SYNPR: variants seen among roughly 807,000 people sequenced by gnomAD.
SYNPR encodes synaptoporin.
SYNPR carries 23 observed loss-of-function variants against 32.9 expected under a neutral mutation model. That is an observed-to-expected ratio of 0.70 (90% CI 0.50 to 0.99). SYNPR has a LOEUF of 0.99. SYNPR is among the 50% of genes least tolerant of loss of function. The pLI, the probability that SYNPR is intolerant of heterozygous loss-of-function variation, is 0.00. For missense variants in SYNPR, 318 were observed against 349.3 expected, an observed-to-expected ratio of 0.91 and a Z score of 0.71; for synonymous variants, 146 against 135.9, an observed-to-expected ratio of 1.07 and a Z score of -0.52.
At chr3:63,257,780 G>A (rs548439213) in intron 2 of SYNPR, among the ~76,000 whole-genome samples, 47 of 152,258 alleles carry the variant, frequency 3.1e-4, no homozygotes, top group South Asian at 4.2e-4. Flanking sequence ...TGGTAAATTG[G>A]ATAAAGAGTC....
chr3:63,471,485 G>GA (rs562199150), intron 2 of SYNPR, among the ~76,000 whole-genome samples: 36 of 152,136 alleles, frequency 2.4e-4, no homozygotes, highest in African/African-American at 7.0e-4. Flanking sequence ...AATTTCCTTA[G>GA]AAAAATACGA....
chr3:63,335,457 T>C (rs905129391), intron 2 of SYNPR, among the ~76,000 whole-genome samples: 2 of 152,054 alleles, frequency 1.3e-5, no homozygotes, highest in African/African-American at 2.4e-5. Context: ...TCAGGGCCAA[T>C]TGAAGCCACT....
intron 2 of SYNPR, among the ~76,000 whole-genome samples, chr3:63,295,299 C>G (rs1329786850): frequency 3.9e-5 from 6 of 152,160 alleles, no homozygotes; most frequent in African/African-American, 1.4e-4. Flanking sequence ...TTAGTTCTAA[C>G]AACTCTATTA....
chr3:63,420,135 C>A (rs2088589177), intron 2 of SYNPR, among the ~76,000 whole-genome samples: 1 of 152,016 alleles, frequency 6.6e-6, no homozygotes, highest in African/African-American at 2.4e-5. Flanking sequence ...TGTAAAGATG[C>A]AAATTTTCCC....
intron 1 of SYNPR, among the ~76,000 whole-genome samples, chr3:63,235,662 T>TC (rs2086196002): frequency 6.6e-6 from 1 of 152,078 alleles, no homozygotes; most frequent in African/African-American, 2.4e-5. Flanking sequence ...CCTCTCTCCT[T>TC]CCCCCATGGA....
At chr3:63,270,490 T>G (rs1386233785) in intron 3 of SYNPR, among the ~76,000 whole-genome samples, 2 of 152,208 alleles carry the variant, frequency 1.3e-5, no homozygotes, top group Non-Finnish European at 2.9e-5. Flanking sequence ...TAATATTTAA[T>G]TAGGCAGTTG....
intron 2 of SYNPR, among the ~76,000 whole-genome samples, chr3:63,258,293 T>C (rs2086405801): frequency 6.6e-6 from 1 of 152,184 alleles, no homozygotes; most frequent in Non-Finnish European, 1.5e-5. Flanking sequence ...ACACCACACC[T>C]ATTCCAAAAC....
In SYNPR at chr3:63,556,579, GGGAAA is replaced by G; in HGVS notation, c.251_255del (p.Lys84ThrfsTer9). 1 of 1,613,528 alleles carries G rather than the reference GGGAAA, an allele frequency of 6.2e-7. No homozygotes were observed. On this transcript the variant is annotated frameshift_variant, in exon 4 of 6. Coordinates refer to ENST00000478300, the MANE Select transcript of SYNPR (RefSeq NM_001130003.2). LOFTEE classifies it high-confidence loss of function. Reference sequence around the variant, plus strand: ...TGACGTTTGAGGTGCCCACCTGCGAGGGAAAGGAACGGCAGAAGCTGGCATTGATT... The same window carrying G: ...TGACGTTTGAGGTGCCCACCTGCGAGGGAACGGCAGAAGCTGGCATTGATT...
At chr3:63,240,432 G>A (rs1031391026) in intron 1 of SYNPR, among the ~76,000 whole-genome samples, 1 of 152,106 alleles carries the variant, frequency 6.6e-6, no homozygotes, top group Non-Finnish European at 1.5e-5. Flanking sequence ...TGAGAAGGGA[G>A]AGGCTTTTTC....
intron 3 of SYNPR, among the ~76,000 whole-genome samples, chr3:63,550,734 A>T (rs1473665438): frequency 6.6e-6 from 1 of 152,246 alleles, no homozygotes; most frequent in African/African-American, 2.4e-5. Context: ...GAAACTATCA[A>T]GCGCAGATAA....
intron 2 of SYNPR, among the ~76,000 whole-genome samples, chr3:63,413,803 T>TC (rs1353287645): frequency 6.6e-6 from 1 of 152,098 alleles, no homozygotes; most frequent in Non-Finnish European, 1.5e-5. Context: ...CCAACTGTTT[T>TC]CCATGCTGCC....
the SYNPR span, among the ~76,000 whole-genome samples, chr3:63,210,426 T>G: frequency 2.0e-5 from 3 of 152,258 alleles, no homozygotes; most frequent in African/African-American, 7.2e-5. Flanking sequence ...AAAGTGATTT[T>G]ACACAGGACT....
chr3:63,520,135 C>T (rs1472079434), intron 3 of SYNPR, among the ~76,000 whole-genome samples: 1 of 152,146 alleles, frequency 6.6e-6, no homozygotes. Context: ...ATATGTGACC[C>T]GGCATGTCCC....
intron 3 of SYNPR, among the ~76,000 whole-genome samples, chr3:63,516,026 A>T (rs892479222): frequency 3.3e-5 from 5 of 152,032 alleles, no homozygotes; most frequent in African/African-American, 1.2e-4. Context: ...TACAGTCAAC[A>T]TTCTTTATGC....
chr3:63,234,114 C>T (rs2086184010), intron 1 of SYNPR, among the ~76,000 whole-genome samples: 1 of 152,128 alleles, frequency 6.6e-6, no homozygotes, highest in African/African-American at 2.4e-5. Context: ...ACTTCCATTT[C>T]CACATGGCTG....
intron 2 of SYNPR, among the ~76,000 whole-genome samples, chr3:63,401,683 A>G (rs2088295232): frequency 6.6e-6 from 1 of 152,198 alleles, no homozygotes; most frequent in South Asian, 2.1e-4. Flanking sequence ...AAAAAGACAG[A>G]GCTATTCTCT....
intron 1 of SYNPR, among the ~76,000 whole-genome samples, chr3:63,249,545 A>G (rs2086315100): frequency 6.6e-6 from 1 of 152,156 alleles, no homozygotes. Context: ...TTGGGGAATT[A>G]GAAGAAAGAG....
chr3:63,409,054 C>T (rs1342189531), intron 2 of SYNPR, among the ~76,000 whole-genome samples: 1 of 152,056 alleles, frequency 6.6e-6, no homozygotes, highest in Non-Finnish European at 1.5e-5. Context: ...TGTCCTGACT[C>T]CCTAAAGATC....
intron 2 of SYNPR, among the ~76,000 whole-genome samples, chr3:63,442,164 A>AGTGTGTGTGTGT (rs34163380): frequency 3.2e-4 from 47 of 148,434 alleles, no homozygotes; most frequent in Middle Eastern, 6.9e-3. Flanking sequence ...TGGTAGTGAT[A>AGTGTGTGTGTGT]GTGTGTGTGT....
Sources: allele counts gnomAD v4.1 joint callset (sites outside exome capture counted in the v4.1 genomes callset), GRCh38; gene constraint gnomAD v4.1.1; transcripts MANE v1.5; gene names NCBI Gene and HGNC (gene_info 2026-07-23, HGNC 2026-07-21).